Variants in WWP2 observed in about 807,000 individuals in gnomAD.
The protein encoded by WWP2 is WW domain containing E3 ubiquitin protein ligase 2, also known as NEDD4-like E3 ubiquitin-protein ligase WWP2.
A neutral mutation model predicts 121.0 loss-of-function variants in WWP2; 57 were observed. The ratio of observed to expected loss-of-function variants is 0.47; its 90% CI spans 0.38 to 0.59. WWP2 has a LOEUF of 0.59. WWP2 is among the 20% of genes least tolerant of loss of function. The pLI is 0.00. For missense variants in WWP2, 962 were observed against 1,158.9 expected, an observed-to-expected ratio of 0.83 and a Z score of 2.47; for synonymous variants, 449 against 441.3, an observed-to-expected ratio of 1.02 and a Z score of -0.22.
chr16:69,900,163 G>A (rs1188281373), intron 8 of WWP2, among the ~76,000 whole-genome samples: 3 of 152,158 alleles, frequency 2.0e-5, no homozygotes, highest in Non-Finnish European at 4.4e-5. Context: ...AAGTAAAGTA[G>A]CTGAGTTAAG....
chr16:69,908,893 C>G (rs201784061), intron 9 of WWP2, 43 bp downstream of exon 9: 1 of 1,613,396 alleles, frequency 6.2e-7, no homozygotes, highest in Non-Finnish European at 8.5e-7. Flanking sequence ...GGAACTGACA[C>G]CATGAGTCAC....
intron 6 of WWP2, among the ~76,000 whole-genome samples, chr16:69,855,275 T>C (rs2057290907): frequency 6.6e-6 from 1 of 152,184 alleles, no homozygotes; most frequent in Non-Finnish European, 1.5e-5. Flanking sequence ...ATAGTGGAGG[T>C]ATTTGTCTCA....
At chr16:69,842,543 A>G (rs566609661) in intron 6 of WWP2, among the ~76,000 whole-genome samples, 108 of 152,198 alleles carry the variant, frequency 7.1e-4, no homozygotes, top group African/African-American at 2.0e-3. Context: ...TGTGTACTCA[A>G]TGTTTAGCTC....
chr16:69,909,529 C>A, intron 9 of WWP2: 1 of 985,478 alleles, frequency 1.0e-6, no homozygotes, highest in Non-Finnish European at 1.2e-6. Context: ...TCCCATAATT[C>A]TCCATGGATG....
intron 1 of WWP2, among the ~76,000 whole-genome samples, chr16:69,774,523 C>G (rs1331411078): frequency 1.3e-5 from 2 of 152,192 alleles, no homozygotes; most frequent in Non-Finnish European, 2.9e-5. Flanking sequence ...TCCTAAGGTG[C>G]TGGGATTACA....
At chr16:69,794,871 G>A (rs539046765) in intron 2 of WWP2, among the ~76,000 whole-genome samples, 12 of 152,150 alleles carry the variant, frequency 7.9e-5, no homozygotes, top group Non-Finnish European at 1.6e-4. Flanking sequence ...GTAGCCACAG[G>A]CAATTTGTAT....
intron 6 of WWP2, among the ~76,000 whole-genome samples, chr16:69,863,912 G>A (rs545450392): frequency 1.3e-5 from 2 of 152,298 alleles, no homozygotes; most frequent in South Asian, 4.1e-4. Flanking sequence ...TTTATGCATT[G>A]AGTTTATTCC....
chr16:69,909,128 A>C, intron 9 of WWP2: 2 of 1,117,908 alleles, frequency 1.8e-6, no homozygotes, highest in Non-Finnish European at 1.1e-6. Flanking sequence ...GCCTGTCCCT[A>C]AAGGCAGAGT....
intron 2 of WWP2, among the ~76,000 whole-genome samples, chr16:69,795,649 GTTTTTTTT>G (rs386384998): frequency 1.0e-4 from 7 of 66,928 alleles, no homozygotes; most frequent in Non-Finnish European, 5.2e-5. Context: ...AAAATAGGAG[GTTTTTTTT>G]TTTTTTTTTT....
intron 4 of WWP2, among the ~76,000 whole-genome samples, chr16:69,809,117 C>G (rs571926144): frequency 7.9e-5 from 12 of 152,328 alleles, no homozygotes; most frequent in African/African-American, 2.9e-4. Flanking sequence ...GTTGCTGGCA[C>G]CAGCCGTAGC....
intron 8 of WWP2, among the ~76,000 whole-genome samples, chr16:69,898,845 A>T (rs1415272001): frequency 2.6e-5 from 4 of 152,166 alleles, no homozygotes; most frequent in Admixed American, 2.0e-4. Context: ...CTGGGATTAC[A>T]GGCATGTGCC....
intron 7 of WWP2, among the ~76,000 whole-genome samples, chr16:69,881,634 AAAGT>A (rs1475376879): frequency 2.0e-5 from 3 of 152,346 alleles, no homozygotes; most frequent in Admixed American, 2.0e-4. Flanking sequence ...AGATTTTCTG[AAAGT>A]AATATCCAAA....
chr16:69,932,095 T>C (rs2036842221), intron 16 of WWP2, among the ~76,000 whole-genome samples: 1 of 152,206 alleles, frequency 6.6e-6, no homozygotes, highest in African/African-American at 2.4e-5. Context: ...TTTGGGAGGC[T>C]GAGGCAGGTG....
At chr16:69,858,957 T>G (rs557458115) in intron 6 of WWP2, among the ~76,000 whole-genome samples, 69 of 152,344 alleles carry the variant, frequency 4.5e-4, no homozygotes, top group Non-Finnish European at 7.8e-4. Flanking sequence ...GTATGAGGGC[T>G]GCTGAACTAG....
chr16:69,797,209 C>G (rs761171650), intron 2 of WWP2, among the ~76,000 whole-genome samples: 2 of 152,126 alleles, frequency 1.3e-5, no homozygotes, highest in Non-Finnish European at 2.9e-5. Flanking sequence ...TGGTCCCAAA[C>G]GAACATCAGA....
At chr16:69,803,121 A>G (rs183282120) in intron 4 of WWP2, among the ~76,000 whole-genome samples, 1 of 149,930 alleles carries the variant, frequency 6.7e-6, no homozygotes. Flanking sequence ...CCTATTTGAT[A>G]ACTATTAACA....
intron 7 of WWP2, among the ~76,000 whole-genome samples, chr16:69,881,257 A>T (rs78232334): frequency 0.033 from 4,971 of 152,076 alleles, 235 homozygotes; most frequent in African/African-American, 0.11. Flanking sequence ...CACTGTTTTT[A>T]CTTCGTGGTG....
chr16:69,763,081 A>T (rs975265304), intron 1 of WWP2, among the ~76,000 whole-genome samples: 8 of 152,148 alleles, frequency 5.3e-5, no homozygotes, highest in African/African-American at 7.2e-5. Flanking sequence ...AAAATAAATT[A>T]AAAAAATAAG....
intron 1 of WWP2, among the ~76,000 whole-genome samples, chr16:69,763,396 T>G (rs1333859119): frequency 2.0e-5 from 3 of 152,246 alleles, no homozygotes; most frequent in African/African-American, 7.2e-5. Context: ...ATCTTCCTGT[T>G]TCTCATGTTT....
Sources: allele counts gnomAD v4.1 joint callset (sites outside exome capture counted in the v4.1 genomes callset), GRCh38; gene constraint gnomAD v4.1.1; transcripts MANE v1.5; gene names NCBI Gene and HGNC (gene_info 2026-07-23, HGNC 2026-07-21).